The following HMGB3 variants were observed in gnomAD, a reference collection of about 807,000 sequenced individuals.
The protein encoded by HMGB3 is high mobility group box 3.
Under a neutral mutation model 12.9 loss-of-function variants are expected in HMGB3, and 1 was observed. The ratio of observed to expected loss-of-function variants is 0.08; its 90% CI spans 0.03 to 0.37. HMGB3 has a LOEUF of 0.37. Among genes scored for constraint, HMGB3 ranks in the 10% least tolerant of loss-of-function variants. The probability of loss-of-function intolerance (pLI) is 0.99; values close to 1 mark genes in which losing one functional copy is unlikely to be tolerated. For synonymous variants in HMGB3, 61 were observed against 53.9 expected (o/e 1.13, Z -0.57); for missense variants, 74 against 153.3 (o/e 0.48, Z 2.73).
At chrX:150,987,106 T>C (rs2048061671) in intron 3 of HMGB3, 22 bp from the exon 4 acceptor site, 1 of 1,158,867 alleles carries the variant, frequency 8.6e-7, no homozygotes, top group Non-Finnish European at 1.2e-6. Context: ...GTTTCTCATG[T>C]AATGTATGTA....
In HMGB3 at chrX:150,987,896, G is replaced by C; in HGVS notation, c.585G>C (p.Glu195Asp). Residue 195 changes from glutamate (E) to aspartate (D), a missense_variant, in exon 5 of 5, where the codon GAG becomes GAC. Glu to Asp is a conservative substitution (Grantham distance 45, BLOSUM62 2). Coordinates refer to ENST00000325307, the MANE Select transcript of HMGB3 (RefSeq NM_005342.4). ...EEEEEEEEEEEEEEDE is the reference protein window; with the variant it reads ...EEEEEEEEEEDEEEDE Reference sequence around the variant, plus strand: ...AGGAGGAGGAAGAAGAGGAGGAGGAGGAGGAGGAGGATGAATAAAGAAACT... The same window carrying C: ...AGGAGGAGGAAGAAGAGGAGGAGGACGAGGAGGAGGATGAATAAAGAAACT... The C allele has an allele frequency of 8.4e-7, 1 of 1,192,625 alleles. No homozygotes were observed. The highest frequency in any genetic ancestry group is 1.8e-5 in the South Asian group (1 of 56,090).
In HMGB3 at chrX:150,989,985, A is replaced by T. The variant is rs186124254; in HGVS notation, c.*2071A>T. The T allele has an allele frequency of 9.0e-6, 1 of 111,576 alleles. No homozygotes were observed. The highest frequency in any genetic ancestry group is 1.9e-5 in the Non-Finnish European group (1 of 53,210). The allele number at this position is 111,576 out of a possible 1,213,427, so 9.2% of individuals were successfully genotyped here. On this transcript the variant is annotated 3_prime_UTR_variant, in exon 5 of 5. Transcript: ENST00000325307. ...AGTTCTAGAAAATGACCACTAATTT[A>T]AAAAACTCGGTTGTGAGGTTTGCCC...
chrX:150,985,538 T>C lies in HMGB3; in HGVS notation c.-5-57T>C. The C allele has an allele frequency of 3.0e-6, 3 of 1,009,037 alleles. No homozygotes were observed. The South Asian group carries it at 6.9e-5, about 23-fold the overall frequency. The allele number at this position is 1,009,037 out of a possible 1,213,427, so 83.2% of individuals were successfully genotyped here. On this transcript the variant is annotated intron_variant, in intron 1 of 4. Coordinates refer to ENST00000325307, the MANE Select transcript of HMGB3 (RefSeq NM_005342.4). ...CTGCCTTTGGTACGTCTTGTACTTC[T>C]TGTCAATTCCTCCTTGCTTTTCCTC...
chrX:150,987,954 G>A lies in HMGB3; in HGVS notation c.*40G>A. 1 of 1,158,591 alleles carries A rather than the reference G, an allele frequency of 8.6e-7. No homozygotes were observed. Among genetic ancestry groups the A allele is most frequent in the South Asian group, 2.0e-5 (1 of 49,225 alleles). The stretch of plus-strand genomic sequence containing the variant: ...TGTCTCCTTGTGAATACTTAGAGTA[G>A]GGGAGCGCCGTAATTGACACATCTC... On this transcript the variant is annotated 3_prime_UTR_variant, in exon 5 of 5. Coordinates refer to ENST00000325307, the MANE Select transcript of HMGB3 (RefSeq NM_005342.4).
intron 1 of HMGB3, among the ~76,000 whole-genome samples, chrX:150,984,099 C>A (rs1182438915): frequency 1.0e-5 from 1 of 100,227 alleles, no homozygotes; most frequent in Non-Finnish European, 2.1e-5. Flanking sequence ...CCGGCGAGGG[C>A]AGGGGAGGCG....
chrX:150,981,802 C>A (rs1055350234), upstream of HMGB3, among the ~76,000 whole-genome samples: 62 of 111,214 alleles, frequency 5.6e-4, no homozygotes, highest in African/African-American at 2.0e-3. Flanking sequence ...TGATGGGAGC[C>A]AACAGCACCA....
upstream of HMGB3, among the ~76,000 whole-genome samples, chrX:150,982,635 G>A (rs1332887395): frequency 8.8e-6 from 1 of 113,004 alleles, no homozygotes; most frequent in East Asian, 2.8e-4. Context: ...CTTTTAGCCC[G>A]TCGGTTCCGC....
chrX:150,982,057 C>T (rs2047995641), upstream of HMGB3, among the ~76,000 whole-genome samples: 1 of 112,315 alleles, frequency 8.9e-6, no homozygotes, highest in African/African-American at 3.2e-5. Context: ...ACATCTCTTC[C>T]TTTGCATTAT....
chrX:150,985,133 T>C (rs143553570), intron 1 of HMGB3, among the ~76,000 whole-genome samples: 2,222 of 111,735 alleles, frequency 0.02, 19 homozygotes, highest in Middle Eastern at 0.037. Flanking sequence ...TTTGGTCTTG[T>C]GTTCAGCAGT....
At chrX:150,987,369 C>A in intron 4 of HMGB3, 67 bp downstream of exon 4, 1 of 973,049 alleles carries the variant, frequency 1.0e-6, no homozygotes, top group Non-Finnish European at 1.4e-6. Flanking sequence ...GGTTGCAGGG[C>A]ATGTGGCAGC....
rs2048005683 is a variant in HMGB3 at position 150,983,353 on chromosome X, T to C, written c.-29T>C. The C allele has an allele frequency of 1.3e-6, 1 of 752,822 alleles. No individual in the cohort carries two copies. 62.0% of individuals were successfully genotyped at this position (752,822 alleles called of 1,213,427 possible). A position where few individuals can be genotyped will look rare whatever the true frequency, so the allele number is the denominator to read the frequency against. Reference sequence around the variant, plus strand: ...CTGAGCCGCGCGTCGTGCCCTGCGCTGCCCAGACTAGCGAACAATACAGGT... The same window carrying C: ...CTGAGCCGCGCGTCGTGCCCTGCGCCGCCCAGACTAGCGAACAATACAGGT... On this transcript the variant is annotated 5_prime_UTR_variant, in exon 1 of 5. Coordinates refer to ENST00000325307, the MANE Select transcript of HMGB3 (RefSeq NM_005342.4).
At chrX:150,984,001 G>C (rs1557425161) in intron 1 of HMGB3, among the ~76,000 whole-genome samples, 1 of 102,062 alleles carries the variant, frequency 9.8e-6, no homozygotes, top group Non-Finnish European at 2.0e-5. Context: ...CCGGTGGCCC[G>C]GGGGGGCGCG....
At position 150,989,876 on chromosome X, in the gene HMGB3, T is replaced by C. The variant is rs1285948075; in HGVS notation, c.*1962T>C. The C allele has an allele frequency of 8.9e-6, 1 of 112,039 alleles. No homozygotes were observed. Among genetic ancestry groups the C allele is most frequent in the East Asian group, 2.8e-4 (1 of 3,563 alleles). The allele number at this position is 112,039 out of a possible 1,213,427, so 9.2% of individuals were successfully genotyped here. A position where few individuals can be genotyped will look rare whatever the true frequency, so the allele number is the denominator to read the frequency against. On this transcript the variant is annotated 3_prime_UTR_variant, in exon 5 of 5. Transcript: ENST00000325307. ...TCGGGTCCTGGATGAGTACGAGTTA[T>C]GGTCACGGTCACAGCCTGATCTCTT...
upstream of HMGB3, chrX:150,980,568 A>G: frequency 1.4e-6 from 1 of 728,000 alleles, no homozygotes; most frequent in Non-Finnish European, 1.6e-6. Context: ...CTTTCTTGAG[A>G]GCAGAGATCG....
rs1557425378 is a variant in HMGB3 at position 150,990,694 on chromosome X, T to C, written c.*2780T>C. 8.9e-6 allele frequency: 1 copy of C among 111,904 alleles called. No homozygotes were observed. The highest frequency in any genetic ancestry group is 3.3e-5 in the African/African-American group (1 of 30,768). The allele number at this position is 111,904 out of a possible 1,213,427, so 9.2% of individuals were successfully genotyped here. A position where few individuals can be genotyped will look rare whatever the true frequency, so the allele number is the denominator to read the frequency against. ...GTCTGTGTCTCCTGTGTGTGTCTGT[T>C]CTTGTCACAAATGTATTTGGGGACG... On this transcript the variant is annotated 3_prime_UTR_variant, in exon 5 of 5. Transcript: ENST00000325307.
chrX:150,984,776 A>T (rs782252668), intron 1 of HMGB3, among the ~76,000 whole-genome samples: 3 of 111,853 alleles, frequency 2.7e-5, no homozygotes, highest in African/African-American at 9.7e-5. Flanking sequence ...TGCCAAGGGG[A>T]GCTCTTTAGT....
intron 1 of HMGB3, 66 bp downstream of exon 1, chrX:150,983,442 C>A (rs1440068028): frequency 1.2e-5 from 4 of 341,019 alleles, no homozygotes; most frequent in Non-Finnish European, 7.1e-6. Context: ...CCGCCGCCGC[C>A]GCCGCCGCCG....
intron 3 of HMGB3, among the ~76,000 whole-genome samples, chrX:150,986,669 T>C (rs2048056388): frequency 9.0e-6 from 1 of 111,575 alleles, no homozygotes; most frequent in African/African-American, 3.3e-5. Flanking sequence ...ATATTTGAGA[T>C]GGAGTTTCGC....
Position 150,989,034 on chromosome X carries a change from T to A in HMGB3, c.*1120T>A, listed in dbSNP as rs564526381. The A allele has an allele frequency of 3.6e-5, 4 of 111,573 alleles. No homozygotes were observed. Among genetic ancestry groups the A allele is most frequent in the African/African-American group, 1.3e-4 (4 of 30,724 alleles). 9.2% of individuals were successfully genotyped at this position (111,573 alleles called of 1,213,427 possible). On this transcript the variant is annotated 3_prime_UTR_variant, in exon 5 of 5. Transcript: ENST00000325307. ...AGCAGCCTTCCAAGGTATAGGAAGGTGGGTGATTAGGACTGAGGCTATCTA... is the reference window on the plus strand; with the variant it reads ...AGCAGCCTTCCAAGGTATAGGAAGGAGGGTGATTAGGACTGAGGCTATCTA...
Sources: gnomAD v4.1 joint callset for allele counts (sites outside exome capture counted in the v4.1 genomes callset) on GRCh38, gnomAD v4.1.1 for gene constraint, MANE v1.5 for transcripts, NCBI Gene and HGNC (gene_info 2026-07-23, HGNC 2026-07-21) for gene names.